Variants in CD8B2 observed in about 807,000 individuals in gnomAD.
CD8B2 encodes CD8B family member 2, also known as T-cell surface glycoprotein CD8 beta-2 chain.
A neutral mutation model predicts 23.7 loss-of-function variants in CD8B2; 11 were observed. The ratio of observed to expected loss-of-function variants is 0.46; its 90% CI spans 0.29 to 0.77. The LOEUF is 0.77. Ranked by LOEUF, CD8B2 falls within the 30% of genes least tolerant of loss-of-function variation. The pLI is 0.09. For missense variants in CD8B2, 197 were observed against 270.5 expected, an observed-to-expected ratio of 0.73 and a Z score of 1.91; for synonymous variants, 90 against 109.3, an observed-to-expected ratio of 0.82 and a Z score of 1.10.
chr2:106,527,700 T>C (rs183928773), intron 5 of CD8B2, among the ~76,000 whole-genome samples: 2 of 152,314 alleles, frequency 1.3e-5, no homozygotes, highest in Non-Finnish European at 2.9e-5. Flanking sequence ...AGAGAATTGC[T>C]TGAACCAGGG....
chr2:106,532,062 C>T (rs575507591), intron 5 of CD8B2, among the ~76,000 whole-genome samples: 2 of 152,356 alleles, frequency 1.3e-5, no homozygotes, highest in East Asian at 3.9e-4. Flanking sequence ...ATAAATGCAA[C>T]CATAGCACAG....
chr2:106,539,856 A>C (rs77943020), intron 5 of CD8B2, among the ~76,000 whole-genome samples: 7,164 of 152,324 alleles, frequency 0.047, 225 homozygotes, highest in Middle Eastern at 0.13. Context: ...CCTACTGCTG[A>C]GCATCTTGGC....
At chr2:106,489,680 G>A (rs1229595632) in intron 1 of CD8B2, among the ~76,000 whole-genome samples, 1 of 152,174 alleles carries the variant, frequency 6.6e-6, no homozygotes, top group Non-Finnish European at 1.5e-5. Context: ...TTCTCCTTGA[G>A]ATTTAATTTA....
chr2:106,518,847 T>G (rs537354295), intron 5 of CD8B2, among the ~76,000 whole-genome samples: 1 of 152,224 alleles, frequency 6.6e-6, no homozygotes, highest in East Asian at 1.9e-4. Flanking sequence ...CATCTTTTTA[T>G]CCATTTATCC....
intron 5 of CD8B2, among the ~76,000 whole-genome samples, chr2:106,521,008 T>A (rs61705093): frequency 0.98 from 142,098 of 144,846 alleles, 69,754 homozygotes; most frequent in East Asian, 1. Context: ...AAAAAAAAAA[T>A]CATAATGTTT....
intron 5 of CD8B2, among the ~76,000 whole-genome samples, chr2:106,526,727 T>A (rs1679912670): frequency 6.6e-6 from 1 of 151,924 alleles, no homozygotes; most frequent in Non-Finnish European, 1.5e-5. Context: ...CTCGGCTCAC[T>A]GCAACCTCTG....
In CD8B2 at chr2:106,504,273, T is replaced by C. The variant is rs991826488; in HGVS notation, c.584-16T>C. 162 of 1,556,178 alleles carry C rather than the reference T, an allele frequency of 1.0e-4. No homozygotes were observed. Among genetic ancestry groups the C allele is most frequent in the Non-Finnish European group, 1.3e-4 (152 of 1,149,604 alleles). On this transcript the variant is annotated splice_polypyrimidine_tract_variant and intron_variant, in intron 4 of 5. Coordinates refer to ENST00000643224, the MANE Select transcript of CD8B2 (RefSeq NM_001349727.2). The stretch of plus-strand genomic sequence containing the variant: ...CACAGCCCACACTGACTGGCGCCCT[T>C]GCTTTCCTCTTCCAGGCCGGCGGAG...
At position 106,506,998 on chromosome 2, in the gene CD8B2, G is replaced by A. The variant is rs1480469756; in HGVS notation, c.*58G>A. 5.8e-6 allele frequency: 9 copies of A among 1,546,770 alleles called. No homozygotes were observed. The highest frequency in any genetic ancestry group is 2.3e-5 in the East Asian group (1 of 44,232). ...AAAGACATCGGTCAGTAACGAGCACGATGTGGAAAAATGAGAGAAGGGACA... is the reference window on the plus strand; with the variant it reads ...AAAGACATCGGTCAGTAACGAGCACAATGTGGAAAAATGAGAGAAGGGACA... On this transcript the variant is annotated 3_prime_UTR_variant, in exon 6 of 6. Transcript: ENST00000643224.
intron 3 of CD8B2, among the ~76,000 whole-genome samples, chr2:106,502,060 C>T (rs2104557041): frequency 6.6e-6 from 1 of 151,938 alleles, no homozygotes. Flanking sequence ...CTTTGGGAGG[C>T]CAAGGTGGGC....
intron 3 of CD8B2, among the ~76,000 whole-genome samples, chr2:106,497,405 T>C (rs1679319863): frequency 6.6e-6 from 1 of 152,210 alleles, no homozygotes; most frequent in African/African-American, 2.4e-5. Flanking sequence ...AGCTGGAGTG[T>C]ACGCACATAC....
At chr2:106,542,966 G>C (rs889251997) in intron 5 of CD8B2, 1 of 152,108 alleles carries the variant, frequency 6.6e-6, no homozygotes, top group African/African-American at 2.4e-5. Context: ...AGAAAGAGGA[G>C]CGCTCGGCCA....
Position 106,507,116 on chromosome 2 carries a change from G to GT in CD8B2, c.*179dup. ...TGTGTGACGTGCATGGGAGCAACTT[G>GT]TTTGTGGGTCATCGGGAATACTAGG... On this transcript the variant is annotated 3_prime_UTR_variant, in exon 6 of 6. Coordinates refer to ENST00000643224, the MANE Select transcript of CD8B2 (RefSeq NM_001349727.2). The GT allele has an allele frequency of 1.3e-6, 2 of 1,489,388 alleles. No individual in the cohort carries two copies. Among genetic ancestry groups the GT allele is most frequent in the Non-Finnish European group, 1.8e-6 (2 of 1,119,602 alleles). 92.3% of individuals were successfully genotyped at this position (1,489,388 alleles called of 1,614,324 possible).
intron 5 of CD8B2, among the ~76,000 whole-genome samples, chr2:106,540,575 T>C (rs1363217855): frequency 6.6e-6 from 1 of 152,104 alleles, no homozygotes; most frequent in Admixed American, 6.6e-5. Context: ...TACTCCTTTT[T>C]TTTTTTTGAG....
chr2:106,495,688 C>T (rs1040574736), intron 2 of CD8B2, among the ~76,000 whole-genome samples: 2 of 152,190 alleles, frequency 1.3e-5, no homozygotes, highest in African/African-American at 4.8e-5. Flanking sequence ...TCTGAGAATT[C>T]AGAAAGCAGA....
chr2:106,504,465 T>C, intron 5 of CD8B2, 140 bp downstream of exon 5: 2 of 1,516,808 alleles, frequency 1.3e-6, no homozygotes, highest in Non-Finnish European at 1.8e-6. Flanking sequence ...TGCACACCTG[T>C]AGTCACAGCT....
At chr2:106,521,784 G>C (rs1372714179) in intron 5 of CD8B2, 1 of 152,216 alleles carries the variant, frequency 6.6e-6, no homozygotes, top group African/African-American at 2.4e-5. Flanking sequence ...TCAGAAATGG[G>C]GAAAGATAAC....
intron 3 of CD8B2, among the ~76,000 whole-genome samples, chr2:106,498,438 A>G (rs964606332): frequency 2.0e-5 from 3 of 152,262 alleles, no homozygotes; most frequent in Non-Finnish European, 4.4e-5. Context: ...GTGAGCCACT[A>G]CGCCTGGCCT....
At chr2:106,525,647 TC>T (rs940266095) in intron 5 of CD8B2, among the ~76,000 whole-genome samples, 5 of 152,186 alleles carry the variant, frequency 3.3e-5, no homozygotes, top group African/African-American at 1.2e-4. Flanking sequence ...CTCTCCCCTG[TC>T]CCTAGCAACC....
At chr2:106,492,486 A>G (rs957677783) in intron 2 of CD8B2, among the ~76,000 whole-genome samples, 1 of 152,360 alleles carries the variant, frequency 6.6e-6, no homozygotes, top group Admixed American at 6.5e-5. Flanking sequence ...TACATAAAAC[A>G]TATGGCTCAT....
Sources: gnomAD v4.1 joint callset for allele counts (sites outside exome capture counted in the v4.1 genomes callset) on GRCh38, gnomAD v4.1.1 for gene constraint, MANE v1.5 for transcripts, NCBI Gene and HGNC (gene_info 2026-07-23, HGNC 2026-07-21) for gene names.